CACNA1B: variants seen among roughly 807,000 people sequenced by gnomAD.
The protein encoded by CACNA1B is calcium voltage-gated channel subunit alpha1 B.
In CACNA1B, 70 loss-of-function variants were observed where a neutral mutation model predicts 247.2. The ratio of observed to expected loss-of-function variants is 0.28; its 90% CI spans 0.23 to 0.35. CACNA1B has a LOEUF of 0.35. CACNA1B is among the 10% of genes least tolerant of loss of function. CACNA1B has a pLI of 1.00. For missense variants in CACNA1B, 2,367 were observed against 3,197.4 expected (o/e 0.74, Z 6.26); for synonymous variants, 1,231 against 1,294.4 (o/e 0.95, Z 1.05).
At chr9:137,970,812 G>C (rs1958137093) in intron 10 of CACNA1B, among the ~76,000 whole-genome samples, 2 of 152,190 alleles carry the variant, frequency 1.3e-5, no homozygotes, top group Non-Finnish European at 2.9e-5. Context: ...AGTCAGGCTG[G>C]AGCAGGTAGA....
At chr9:138,013,737 T>C (rs1275289483) in intron 18 of CACNA1B, among the ~76,000 whole-genome samples, 1 of 152,236 alleles carries the variant, frequency 6.6e-6, no homozygotes, top group African/African-American at 2.4e-5. Context: ...GCGTATTCCA[T>C]AGAACCATAT....
chr9:138,087,384 C>CAAAAAAAAAAAAAAA (rs58566171), intron 36 of CACNA1B, among the ~76,000 whole-genome samples: 39 of 52,320 alleles, frequency 7.5e-4, no homozygotes, highest in Non-Finnish European at 9.9e-4. Context: ...GACTCTGTCT[C>CAAAAAAAAAAAAAAA]AAAAAAAAAA....
chr9:137,967,183 C>G (rs967772963), intron 10 of CACNA1B, among the ~76,000 whole-genome samples: 1 of 152,174 alleles, frequency 6.6e-6, no homozygotes, highest in African/African-American at 2.4e-5. Flanking sequence ...CTTCCCTGCT[C>G]TCATAATTGT....
intron 26 of CACNA1B, among the ~76,000 whole-genome samples, chr9:138,055,026 C>T (rs1208111091): frequency 6.6e-6 from 1 of 152,148 alleles, no homozygotes; most frequent in African/African-American, 2.4e-5. Flanking sequence ...GGACAGGAAC[C>T]CTTTGTCATA....
chr9:137,878,435 C>T (rs950147430), intron 1 of CACNA1B, among the ~76,000 whole-genome samples: 4 of 152,098 alleles, frequency 2.6e-5, no homozygotes, highest in Admixed American at 6.5e-5. Flanking sequence ...GCTCCGGACT[C>T]GTCCCTCCGC....
chr9:138,031,889 A>G (rs1055124027), intron 20 of CACNA1B, among the ~76,000 whole-genome samples: 6 of 152,096 alleles, frequency 3.9e-5, no homozygotes, highest in African/African-American at 1.2e-4. Flanking sequence ...ACCTAACTAT[A>G]TAGTTATATT....
intron 3 of CACNA1B, among the ~76,000 whole-genome samples, chr9:137,910,168 C>T (rs1957344557): frequency 6.6e-6 from 1 of 152,164 alleles, no homozygotes; most frequent in Admixed American, 6.5e-5. Flanking sequence ...TTTCGTGCAC[C>T]TATCGGCCAT....
Position 137,919,153 on chromosome 9 carries a change from C to T in CACNA1B, c.966+1722C>T, listed in dbSNP as rs942650115. Among the ~76,000 whole-genome samples, 1 of 152,212 alleles carries T rather than the reference C, an allele frequency of 6.6e-6. No individual in the cohort carries two copies. The highest frequency in any genetic ancestry group is 1.5e-5 in the Non-Finnish European group (1 of 68,038). On this transcript the variant is annotated intron_variant, in intron 6 of 46. Transcript: ENST00000371372. The surrounding 1 kb of genome is among the most constrained non-coding windows in gnomAD (Gnocchi z 4.6). Reference sequence around the variant, plus strand: ...CCGCAGGAGGGGATGGGCAGGAGCCCCATCCTGGGGCAGGCAGCACTGGCC... The same window carrying T: ...CCGCAGGAGGGGATGGGCAGGAGCCTCATCCTGGGGCAGGCAGCACTGGCC...
At chr9:138,113,603 G>A (rs1482963126) in intron 40 of CACNA1B, among the ~76,000 whole-genome samples, 1 of 136,264 alleles carries the variant, frequency 7.3e-6, no homozygotes, top group Non-Finnish European at 1.6e-5. Context: ...GGAGTGCCGG[G>A]AGGTGCCCAA....
At chr9:137,993,356 C>CTAGATAGATTAAATTTTTGTCTAGA (rs1305518757) in intron 15 of CACNA1B, among the ~76,000 whole-genome samples, 2 of 151,276 alleles carry the variant, frequency 1.3e-5, no homozygotes, top group African/African-American at 4.9e-5. Flanking sequence ...AAATTTTTGT[C>CTAGATAGATTAAATTTTTGTCTAGA]TAGATAGATT....
rs114787287 is a variant in CACNA1B at position 137,956,250 on chromosome 9, G to A, written c.1186+437G>A. 2.9e-3 allele frequency among the ~76,000 whole-genome samples: 436 copies of A among 152,304 alleles called. 3 individuals are homozygous for A. The highest frequency in any genetic ancestry group is 9.7e-3 in the African/African-American group (405 of 41,558). On this transcript the variant is annotated intron_variant, in intron 8 of 46. Transcript: ENST00000371372. ...GTGGCACAGCTGTTCTCAGGGAAGCGACGTGTGGGTAGGGACGGGCAGACA... is the reference window on the plus strand; with the variant it reads ...GTGGCACAGCTGTTCTCAGGGAAGCAACGTGTGGGTAGGGACGGGCAGACA...
At position 138,023,159 on chromosome 9, in the gene CACNA1B, C is replaced by T; in HGVS notation, c.2416C>T (p.Arg806Trp). 6.5e-7 allele frequency: 1 copy of T among 1,535,292 alleles called. No individual in the cohort carries two copies. Among genetic ancestry groups the T allele is most frequent in the Non-Finnish European group, 8.7e-7 (1 of 1,148,834 alleles). ...RLRFATTRHL[R>W]PDMKTHLDRP... ...GCGCTTCGCCACTACGCGCCACCTGCGGCCCGACATGAAGACGCACCTGGA... is the reference window on the plus strand; with the variant it reads ...GCGCTTCGCCACTACGCGCCACCTGTGGCCCGACATGAAGACGCACCTGGA... Residue 806 changes from arginine to tryptophan, a missense_variant, in exon 19 of 47, where the codon CGG (arginine) becomes TGG (tryptophan). Transcript: ENST00000371372.
intron 3 of CACNA1B, among the ~76,000 whole-genome samples, chr9:137,893,907 C>A (rs1957139722): frequency 6.6e-6 from 1 of 152,222 alleles, no homozygotes; most frequent in Non-Finnish European, 1.5e-5. Context: ...TATGGCTGCA[C>A]CCACCTTCCT....
At chr9:138,120,983 C>T (rs992473144) in intron 46 of CACNA1B, 102 bp downstream of exon 46, 2 of 1,359,300 alleles carry the variant, frequency 1.5e-6, no homozygotes, top group African/African-American at 1.5e-5. Context: ...CGCTGCTGCC[C>T]TTTGTCATTC....
At chr9:138,032,951 T>C (rs1959003383) in intron 20 of CACNA1B, among the ~76,000 whole-genome samples, 1 of 152,218 alleles carries the variant, frequency 6.6e-6, no homozygotes, top group Non-Finnish European at 1.5e-5. Flanking sequence ...TTTCATCCTT[T>C]ATGTCTTTAA....
Position 138,050,072 on chromosome 9 carries a change from C to T in CACNA1B, c.3710+757C>T, listed in dbSNP as rs1317448329. The T allele has an allele frequency of 7.8e-7, 1 of 1,289,578 alleles. No homozygotes were observed. The highest frequency in any genetic ancestry group is 1.2e-5 in the South Asian group (1 of 81,014). The allele number at this position is 1,289,578 out of a possible 1,614,324, so 79.9% of individuals were successfully genotyped here. On this transcript the variant is annotated intron_variant, in intron 24 of 46. Transcript: ENST00000371372. The surrounding 1 kb of genome is among the most constrained non-coding windows in gnomAD (Gnocchi z 5.2). Reference sequence around the variant, plus strand: ...TTTGTCTTCCTCTTGCTGGACTCGGCAGGAGCTTCGTGGGGTAATGCCTTC... The same window carrying T: ...TTTGTCTTCCTCTTGCTGGACTCGGTAGGAGCTTCGTGGGGTAATGCCTTC...
At chr9:137,979,537 T>TA (rs1656566766) in intron 12 of CACNA1B, among the ~76,000 whole-genome samples, 1 of 152,070 alleles carries the variant, frequency 6.6e-6, no homozygotes, top group Non-Finnish European at 1.5e-5. Flanking sequence ...GAGAGGAATA[T>TA]ATGGGGGCAG....
rs1405599879 is a variant in CACNA1B, at chr9:137,882,204, A to G, written c.391-540A>G. ...AGAAAGCCTGAGCTGTATCCAGGCA[A>G]CCTTGTGCAGGTTCCCACCCAGAGG... is the stretch of plus-strand genomic sequence containing the variant. On this transcript the variant is annotated intron_variant, in intron 2 of 46. Transcript: ENST00000371372. The surrounding 1 kb of genome is among the most constrained non-coding windows in gnomAD (Gnocchi z 4.0). Among the ~76,000 whole-genome samples the G allele has an allele frequency of 1.3e-5, 2 of 152,170 alleles. No homozygotes were observed. The highest frequency in any genetic ancestry group is 4.8e-5 in the African/African-American group (2 of 41,440).
Position 138,057,559 on chromosome 9 carries a change from A to G in CACNA1B, c.3969-173A>G, listed in dbSNP as rs577793734. On this transcript the variant is annotated intron_variant, in intron 26 of 46. Coordinates refer to ENST00000371372, the MANE Select transcript of CACNA1B (RefSeq NM_000718.4). The surrounding 1 kb of genome is among the most constrained non-coding windows in gnomAD (Gnocchi z 4.0). ...ATCCATCATGAGTTAATTTTTGTCT[A>G]TGGAGTAAAGTAGGGTCACATTCAT... is the stretch of plus-strand genomic sequence containing the variant. Among the ~76,000 whole-genome samples the G allele has an allele frequency of 4.3e-4, 65 of 152,264 alleles. No homozygotes were observed. The highest frequency in any genetic ancestry group is 1.4e-3 in the African/African-American group (58 of 41,552).
Sources: allele counts gnomAD v4.1 joint callset (sites outside exome capture counted in the v4.1 genomes callset), GRCh38; gene constraint gnomAD v4.1.1; non-coding constraint Gnocchi (gnomAD v3.1); transcripts MANE v1.5; gene names NCBI Gene and HGNC (gene_info 2026-07-23, HGNC 2026-07-21).